Variants in SPHKAP observed in about 807,000 individuals in gnomAD.
SPHKAP encodes the protein SPHK1 interactor, AKAP domain containing.
Under a neutral mutation model 137.5 loss-of-function variants are expected in SPHKAP, and 67 were observed. The observed-to-expected ratio is 0.49, with a 90% CI of 0.40 to 0.60. The LOEUF is 0.60. SPHKAP is among the 20% of genes least tolerant of loss of function. SPHKAP has a pLI of 0.00. For missense variants in SPHKAP, 2,097 were observed against 2,069.3 expected (o/e 1.01, Z -0.26); for synonymous variants, 813 against 785.3 (o/e 1.04, Z -0.59).
In SPHKAP at chr2:228,019,743, G is replaced by C. The variant is rs767641191; in HGVS notation, c.1111C>G (p.His371Asp). 11 of 1,614,162 alleles carry C rather than the reference G, an allele frequency of 6.8e-6. No homozygotes were observed. Among genetic ancestry groups the C allele is most frequent in the Admixed American group, 5.0e-5 (3 of 60,020 alleles). Reference protein sequence around the residue: ...EQRSNLNPGDHEDTRNALPPR... With the variant: ...EQRSNLNPGDDEDTRNALPPR... ...GGGAGAGCGTTTCTTGTGTCTTCAT[G>C]GTCTCCTGGGTTTAGGTTGCTTCTC... is the stretch of plus-strand genomic sequence containing the variant. Residue 371 changes from histidine to aspartate, a missense_variant, in exon 7 of 12, where the codon CAT becomes GAT. By Grantham distance (81) the His-to-Asp change is moderately conservative. Coordinates refer to ENST00000392056, the MANE Select transcript of SPHKAP (RefSeq NM_001142644.2).
chr2:228,122,825 C>T (rs1698955841), intron 2 of SPHKAP, among the ~76,000 whole-genome samples: 1 of 152,168 alleles, frequency 6.6e-6, no homozygotes, highest in African/African-American at 2.4e-5. Flanking sequence ...GAAATCGCCT[C>T]CAGAGGGAAT....
chr2:228,122,117 CTTG>C (rs1337741771), intron 2 of SPHKAP, among the ~76,000 whole-genome samples: 3 of 151,910 alleles, frequency 2.0e-5, no homozygotes, highest in East Asian at 3.9e-4. Flanking sequence ...TCAATGTAAA[CTTG>C]TTGTGTTTCT....
Position 228,181,652 on chromosome 2 carries a change from T to G in SPHKAP, c.-54A>C. The G allele has an allele frequency of 6.2e-7, 1 of 1,614,016 alleles. No individual in the cohort carries two copies. The highest frequency in any genetic ancestry group is 1.1e-5 in the South Asian group (1 of 91,066). On this transcript the variant is annotated 5_prime_UTR_variant, in exon 1 of 12. Coordinates refer to ENST00000392056, the MANE Select transcript of SPHKAP (RefSeq NM_001142644.2). This position sits in a 1 kb window ranked among gnomAD's most constrained non-coding sequence, Gnocchi z 4.3. Reference sequence around the variant, plus strand: ...GGAAAGTGCAGGCGAAGGATAAGTCTGTGGTGCTAGGACCCAGCTCCCAGA... The same window carrying G: ...GGAAAGTGCAGGCGAAGGATAAGTCGGTGGTGCTAGGACCCAGCTCCCAGA...
At chr2:228,128,007 G>A (rs1699130200) in intron 2 of SPHKAP, among the ~76,000 whole-genome samples, 1 of 152,168 alleles carries the variant, frequency 6.6e-6, no homozygotes, top group African/African-American at 2.4e-5. Flanking sequence ...GCTGGTGAAA[G>A]GTCTTGTCTC....
intron 7 of SPHKAP, among the ~76,000 whole-genome samples, chr2:228,013,313 A>G (rs1694457310): frequency 1.3e-5 from 2 of 152,258 alleles, no homozygotes; most frequent in South Asian, 4.1e-4. Context: ...GTGCAGAGGC[A>G]CGATCTCGGC....
chr2:227,988,770 G>A (rs193236235), intron 11 of SPHKAP, among the ~76,000 whole-genome samples: 66 of 152,308 alleles, frequency 4.3e-4, no homozygotes, highest in Non-Finnish European at 8.8e-5. Context: ...TTGGGACAGT[G>A]TATGGCATGG....
chr2:228,143,337 T>C (rs1699664285), intron 1 of SPHKAP, among the ~76,000 whole-genome samples: 1 of 151,584 alleles, frequency 6.6e-6, no homozygotes, highest in Non-Finnish European at 1.5e-5. Flanking sequence ...AGGCCAGGAG[T>C]TCAAGACCAG....
chr2:228,025,895 G>T, intron 4 of SPHKAP: 1 of 984,386 alleles, frequency 1.0e-6, no homozygotes, highest in Non-Finnish European at 1.2e-6. Flanking sequence ...ATAATCTTCC[G>T]ATATGGCTTG....
At chr2:228,128,704 C>T (rs1224514029) in intron 2 of SPHKAP, among the ~76,000 whole-genome samples, 1 of 152,158 alleles carries the variant, frequency 6.6e-6, no homozygotes, top group African/African-American at 2.4e-5. Context: ...GATTCATGGG[C>T]TGCAGAATGG....
chr2:227,998,848 C>T (rs1019803724), intron 7 of SPHKAP, among the ~76,000 whole-genome samples: 2 of 152,130 alleles, frequency 1.3e-5, no homozygotes, highest in Non-Finnish European at 2.9e-5. Flanking sequence ...CATGGGTATG[C>T]ATATATTTCT....
Position 228,001,518 on chromosome 2 carries a change from AAT to A in SPHKAP, c.4449-5826_4449-5825del, listed in dbSNP as rs1042435468. ...ATAAGTATATATACGTATATATAAGAATATATATACATATATATAAAAATATA... is the reference window on the plus strand; with the variant it reads ...ATAAGTATATATACGTATATATAAGAATATATACATATATATAAAAATATA... On this transcript the variant is annotated intron_variant, in intron 7 of 11. Coordinates refer to ENST00000392056, the MANE Select transcript of SPHKAP (RefSeq NM_001142644.2). 7.0e-5 allele frequency among the ~76,000 whole-genome samples: 10 copies of A among 143,052 alleles called. No homozygotes were observed. In the East Asian group the frequency reaches 2.0e-3, roughly 28 times the overall value. The allele number at this position is 143,052 out of a possible 152,430, so 93.8% of individuals were successfully genotyped here. A position where few individuals can be genotyped will look rare whatever the true frequency, so the allele number is the denominator to read the frequency against.
At chr2:228,067,729 C>A (rs537937527) in intron 3 of SPHKAP, among the ~76,000 whole-genome samples, 24 of 152,134 alleles carry the variant, frequency 1.6e-4, no homozygotes, top group African/African-American at 5.3e-4. Flanking sequence ...TGATCCAGGG[C>A]GTAATCAGAG....
intron 11 of SPHKAP, among the ~76,000 whole-genome samples, chr2:227,990,569 C>T (rs868124005): frequency 3.0e-4 from 45 of 152,144 alleles, no homozygotes; most frequent in African/African-American, 1.1e-3. Context: ...GTCTTCCTAA[C>T]ACGAACCTGT....
At chr2:228,144,326 T>C (rs998603474) in intron 1 of SPHKAP, among the ~76,000 whole-genome samples, 10 of 152,222 alleles carry the variant, frequency 6.6e-5, no homozygotes, top group African/African-American at 2.4e-4. Context: ...GCTCTATAGA[T>C]TATAAATTTC....
At chr2:228,128,218 A>G (rs1423987121) in intron 2 of SPHKAP, among the ~76,000 whole-genome samples, 1 of 152,188 alleles carries the variant, frequency 6.6e-6, no homozygotes, top group Non-Finnish European at 1.5e-5. Context: ...AACCCTCTCA[A>G]AACTTGCTGC....
chr2:228,054,692 C>A (rs1696376121), intron 3 of SPHKAP, among the ~76,000 whole-genome samples: 1 of 152,014 alleles, frequency 6.6e-6, no homozygotes, highest in Admixed American at 6.6e-5. Context: ...CCAGGTGACT[C>A]TGATGTGTAT....
chr2:228,153,007 G>A (rs954072937), intron 1 of SPHKAP, among the ~76,000 whole-genome samples: 3 of 152,126 alleles, frequency 2.0e-5, no homozygotes, highest in African/African-American at 7.2e-5. Flanking sequence ...AGAGCTGATG[G>A]TTTTATAAGG....
At chr2:228,142,886 C>T (rs1699649664) in intron 1 of SPHKAP, among the ~76,000 whole-genome samples, 1 of 152,104 alleles carries the variant, frequency 6.6e-6, no homozygotes, top group Non-Finnish European at 1.5e-5. Flanking sequence ...TTGCATGTTG[C>T]TTCTGGGAGT....
chr2:228,133,722 A>G (rs1241335865), intron 1 of SPHKAP, among the ~76,000 whole-genome samples: 1 of 152,206 alleles, frequency 6.6e-6, no homozygotes, highest in African/African-American at 2.4e-5. Context: ...TAACTAACCT[A>G]TAACTCTCAT....
Sources: gnomAD v4.1 joint callset for allele counts (sites outside exome capture counted in the v4.1 genomes callset) on GRCh38, gnomAD v4.1.1 for gene constraint, Gnocchi (gnomAD v3.1) non-coding constraint, MANE v1.5 for transcripts, NCBI Gene and HGNC (gene_info 2026-07-23, HGNC 2026-07-21) for gene names.